Variants in GRIK1 observed in about 807,000 individuals in gnomAD.
The protein encoded by GRIK1 is glutamate ionotropic receptor kainate type subunit 1.
Under a neutral mutation model 105.7 loss-of-function variants are expected in GRIK1, and 69 were observed. That is an observed-to-expected ratio of 0.65 (90% CI 0.54 to 0.80). GRIK1 has a LOEUF of 0.80. Ranked by LOEUF, GRIK1 falls within the 30% of genes least tolerant of loss-of-function variation. GRIK1 has a pLI of 0.00. For synonymous variants in GRIK1, 438 were observed against 431.3 expected (o/e 1.02, Z -0.19); for missense variants, 1,109 against 1,167.3 (o/e 0.95, Z 0.73).
intron 7 of GRIK1, among the ~76,000 whole-genome samples, chr21:29,615,812 T>C (rs2061837385): frequency 6.6e-6 from 1 of 152,258 alleles, no homozygotes; most frequent in Non-Finnish European, 1.5e-5. Context: ...CGGTTTCACC[T>C]GGCTCACAAT....
intron 1 of GRIK1, among the ~76,000 whole-genome samples, chr21:29,907,973 A>C (rs1020453018): frequency 2.0e-5 from 3 of 152,142 alleles, no homozygotes; most frequent in Non-Finnish European, 4.4e-5. Context: ...ATTTTTAAAA[A>C]TATCTCTCAG....
At chr21:29,901,761 T>C (rs185848462) in intron 1 of GRIK1, among the ~76,000 whole-genome samples, 174 of 151,820 alleles carry the variant, frequency 1.1e-3, no homozygotes, top group Non-Finnish European at 1.9e-3. Flanking sequence ...TTCCAATCAA[T>C]AGAAAAAAGA....
intron 1 of GRIK1, among the ~76,000 whole-genome samples, chr21:29,894,075 T>G (rs555304118): frequency 2.4e-4 from 36 of 152,182 alleles, no homozygotes; most frequent in Non-Finnish European, 4.9e-4. Context: ...TAGTGAGAGG[T>G]AGGGCTGGGT....
At chr21:29,904,342 C>A (rs1348396517) in intron 1 of GRIK1, among the ~76,000 whole-genome samples, 1 of 150,822 alleles carries the variant, frequency 6.6e-6, no homozygotes, top group East Asian at 1.9e-4. Flanking sequence ...CTCAAATAAC[C>A]TAAATTTGTT....
chr21:29,624,946 C>T (rs2062089594), intron 7 of GRIK1, among the ~76,000 whole-genome samples: 5 of 152,190 alleles, frequency 3.3e-5, no homozygotes, highest in Admixed American at 3.3e-4. Flanking sequence ...TGATCCAGGC[C>T]TTTCTTCTTC....
At chr21:29,790,515 G>C (rs1327702763) in intron 1 of GRIK1, among the ~76,000 whole-genome samples, 1 of 151,568 alleles carries the variant, frequency 6.6e-6, no homozygotes, top group Non-Finnish European at 1.5e-5. Context: ...AAATGCAGCA[G>C]TGCAATCACA....
chr21:29,686,024 A>G (rs571604493), intron 3 of GRIK1, among the ~76,000 whole-genome samples: 4 of 152,206 alleles, frequency 2.6e-5, no homozygotes, highest in Non-Finnish European at 5.9e-5. Flanking sequence ...CCGAACACAC[A>G]GGCCTTGCTG....
intron 1 of GRIK1, among the ~76,000 whole-genome samples, chr21:29,798,505 C>T (rs545958677): frequency 3.6e-4 from 55 of 152,262 alleles, no homozygotes; most frequent in Non-Finnish European, 5.3e-4. Flanking sequence ...TAAAATTCTG[C>T]AATTTGAATA....
intron 16 of GRIK1, chr21:29,553,351 A>G: frequency 8.4e-7 from 1 of 1,194,454 alleles, no homozygotes; most frequent in South Asian, 3.7e-5. Flanking sequence ...AGAAGTCTTT[A>G]TACCCCTAAT....
At chr21:29,707,364 C>G (rs1307325630) in intron 1 of GRIK1, among the ~76,000 whole-genome samples, 1 of 150,942 alleles carries the variant, frequency 6.6e-6, no homozygotes, top group Non-Finnish European at 1.5e-5. Flanking sequence ...TCTTTTCCTA[C>G]ACATACCTGA....
intron 1 of GRIK1, among the ~76,000 whole-genome samples, chr21:29,846,469 GAAA>G (rs779539346): frequency 3.7e-4 from 18 of 48,322 alleles, no homozygotes; most frequent in Non-Finnish European, 1.1e-3. Context: ...GAGAGAGAAA[GAAA>G]GAAAGAAAGA....
intron 14 of GRIK1, among the ~76,000 whole-genome samples, chr21:29,565,395 T>C (rs1568824449): frequency 6.6e-6 from 1 of 152,202 alleles, no homozygotes; most frequent in Non-Finnish European, 1.5e-5. Context: ...GGTAGAAATA[T>C]CTGCAGACAG....
intron 1 of GRIK1, among the ~76,000 whole-genome samples, chr21:29,836,655 A>G (rs1173325184): frequency 6.6e-6 from 1 of 152,086 alleles, no homozygotes; most frequent in African/African-American, 2.4e-5. Flanking sequence ...ACACATATAC[A>G]TGTGTAATGT....
intron 3 of GRIK1, among the ~76,000 whole-genome samples, chr21:29,688,131 G>T (rs991821257): frequency 6.6e-6 from 1 of 152,218 alleles, no homozygotes; most frequent in Non-Finnish European, 1.5e-5. Flanking sequence ...AGCAGGTAAA[G>T]TTCTAAAAAT....
At chr21:29,757,462 T>C (rs2065379595) in intron 1 of GRIK1, among the ~76,000 whole-genome samples, 1 of 152,250 alleles carries the variant, frequency 6.6e-6, no homozygotes, top group South Asian at 2.1e-4. Flanking sequence ...AAAAGATGTT[T>C]GTTTTACTAA....
intron 4 of GRIK1, among the ~76,000 whole-genome samples, chr21:29,659,127 T>G (rs1419020975): frequency 6.6e-6 from 1 of 152,208 alleles, no homozygotes; most frequent in East Asian, 1.9e-4. Flanking sequence ...GTTTTCTCCT[T>G]TGTGCCAATT....
rs186080673 is a variant in GRIK1, at chr21:29,853,938, A to G, written c.118+85445T>C. ...GTGTAAGCAGCATGGGTGGGTCACA[A>G]TTTTAAATAGGATGGCCAGGGTTGT... On this transcript the variant is annotated intron_variant, in intron 1 of 17. Transcript: ENST00000327783. 2.5e-3 allele frequency among the ~76,000 whole-genome samples: 384 copies of G among 152,308 alleles called. 6 individuals carry two copies. Among genetic ancestry groups the G allele is most frequent in the East Asian group, 9.6e-4 (5 of 5,184 alleles).
intron 7 of GRIK1, among the ~76,000 whole-genome samples, chr21:29,606,798 GTCT>G (rs539322992): frequency 0.12 from 5,904 of 50,020 alleles, 240 homozygotes; most frequent in African/African-American, 0.45. Flanking sequence ...GTTGTTTCTT[GTCT>G]TGTCTTGTCT....
chr21:29,929,316 C>T (rs1318984670), intron 1 of GRIK1, among the ~76,000 whole-genome samples: 1 of 152,152 alleles, frequency 6.6e-6, no homozygotes, highest in East Asian at 1.9e-4. Context: ...CGAGAATCTA[C>T]AAAATCTTAT....
Sources: gnomAD v4.1 joint callset for allele counts (sites outside exome capture counted in the v4.1 genomes callset) on GRCh38, gnomAD v4.1.1 for gene constraint, MANE v1.5 for transcripts, NCBI Gene and HGNC (gene_info 2026-07-23, HGNC 2026-07-21) for gene names.